The following RGS7 variants were observed in gnomAD, a reference collection of about 807,000 sequenced individuals.
RGS7 encodes regulator of G protein signaling 7, also known as regulator of G-protein signaling 7.
RGS7 carries 27 observed loss-of-function variants against 81.1 expected under a neutral mutation model. The observed-to-expected ratio is 0.33, with a 90% confidence interval of 0.25 to 0.46. The LOEUF is 0.46. Ranked by LOEUF, RGS7 falls within the 20% of genes least tolerant of loss-of-function variation. The probability of loss-of-function intolerance (pLI) is 1.00; values close to 1 mark genes in which losing one functional copy is unlikely to be tolerated. For synonymous variants in RGS7, 208 were observed against 207.7 expected, an observed-to-expected ratio of 1.00 and a Z score of -0.01; for missense variants, 396 against 607.4, an observed-to-expected ratio of 0.65 and a Z score of 3.66.
chr1:241,053,320 C>T (rs1336060842), intron 3 of RGS7, among the ~76,000 whole-genome samples: 7 of 152,170 alleles, frequency 4.6e-5, no homozygotes, highest in Non-Finnish European at 1.5e-5. Flanking sequence ...CCCTTACAGG[C>T]CTTGCACTCT....
chr1:241,087,677 G>T (rs564211726), intron 3 of RGS7, among the ~76,000 whole-genome samples: 26 of 151,992 alleles, frequency 1.7e-4, no homozygotes, highest in Non-Finnish European at 3.4e-4. Context: ...GGCTGGGTGC[G>T]GTGGCTCAGG....
intron 3 of RGS7, among the ~76,000 whole-genome samples, chr1:240,991,342 A>G (rs1436477253): frequency 1.3e-5 from 2 of 152,252 alleles, no homozygotes; most frequent in African/African-American, 4.8e-5. Context: ...AAGGCAGCAA[A>G]GATGACAATA....
intron 2 of RGS7, among the ~76,000 whole-genome samples, chr1:241,274,549 T>C (rs1419289514): frequency 6.6e-6 from 1 of 152,184 alleles, no homozygotes; most frequent in Non-Finnish European, 1.5e-5. Context: ...TGAAGAAAAA[T>C]AATATAATCT....
At chr1:241,013,789 C>T (rs1459677951) in intron 3 of RGS7, among the ~76,000 whole-genome samples, 1 of 152,240 alleles carries the variant, frequency 6.6e-6, no homozygotes, top group Non-Finnish European at 1.5e-5. Context: ...GAGGACATTA[C>T]CTATCTCCAT....
intron 3 of RGS7, among the ~76,000 whole-genome samples, chr1:241,013,565 G>A (rs2059080371): frequency 6.6e-6 from 1 of 152,160 alleles, no homozygotes; most frequent in Non-Finnish European, 1.5e-5. Flanking sequence ...CTCTGCTAGT[G>A]TCGTGGTGTT....
chr1:241,098,148 C>A (rs1000714967), intron 3 of RGS7, among the ~76,000 whole-genome samples: 2 of 152,178 alleles, frequency 1.3e-5, no homozygotes. Flanking sequence ...GAATTAGATT[C>A]TTTGGCTAGC....
intron 2 of RGS7, among the ~76,000 whole-genome samples, chr1:241,180,450 G>T (rs1033627212): frequency 2.0e-5 from 3 of 152,102 alleles, no homozygotes; most frequent in Admixed American, 2.0e-4. Flanking sequence ...GTAACATAAA[G>T]TATGTGTGTG....
At chr1:241,280,758 C>T (rs985707710) in intron 2 of RGS7, among the ~76,000 whole-genome samples, 3 of 152,216 alleles carry the variant, frequency 2.0e-5, no homozygotes, top group Non-Finnish European at 4.4e-5. Flanking sequence ...GCCTCAGCTT[C>T]CCAAAGTGCT....
chr1:241,196,275 CAAAAT>C (rs1329865613), intron 2 of RGS7, among the ~76,000 whole-genome samples: 1 of 151,616 alleles, frequency 6.6e-6, no homozygotes, highest in African/African-American at 2.4e-5. Flanking sequence ...CAAAAATTCA[CAAAAT>C]AAAAGCATTT....
chr1:240,874,519 A>T (rs1665029201), intron 6 of RGS7, among the ~76,000 whole-genome samples: 2 of 152,238 alleles, frequency 1.3e-5, no homozygotes, highest in Non-Finnish European at 2.9e-5. Context: ...TAAAAAATTA[A>T]ATCTGGTATG....
chr1:241,091,594 T>TA (rs554243570), intron 3 of RGS7, among the ~76,000 whole-genome samples: 4 of 135,390 alleles, frequency 3.0e-5, no homozygotes, highest in Non-Finnish European at 6.5e-5. Context: ...AATAAATAAA[T>TA]AAAAAAGCTG....
chr1:240,970,323 TG>T (rs1553370833), intron 4 of RGS7, among the ~76,000 whole-genome samples: 7 of 152,222 alleles, frequency 4.6e-5, no homozygotes, highest in Non-Finnish European at 1.0e-4. Context: ...CTTCAACGTA[TG>T]GCCTTCATGA....
intron 2 of RGS7, among the ~76,000 whole-genome samples, chr1:241,275,805 C>T (rs2078163025): frequency 6.6e-6 from 1 of 152,182 alleles, no homozygotes; most frequent in Non-Finnish European, 1.5e-5. Context: ...CATCTCTAAC[C>T]ATCACTTGCG....
intron 3 of RGS7, among the ~76,000 whole-genome samples, chr1:241,090,928 C>A (rs996280689): frequency 6.6e-6 from 1 of 152,094 alleles, no homozygotes; most frequent in Non-Finnish European, 1.5e-5. Flanking sequence ...TTCTGACATG[C>A]GTGTGCTTGT....
At chr1:241,030,792 C>G (rs2060048723) in intron 3 of RGS7, among the ~76,000 whole-genome samples, 1 of 151,926 alleles carries the variant, frequency 6.6e-6, no homozygotes, top group South Asian at 2.1e-4. Context: ...TTTAAAAATA[C>G]TCCTCTTAAA....
intron 9 of RGS7, among the ~76,000 whole-genome samples, chr1:240,853,695 G>A (rs2147941784): frequency 6.6e-6 from 1 of 152,100 alleles, no homozygotes; most frequent in East Asian, 1.9e-4. Flanking sequence ...CACGAGGGCA[G>A]GAGGAGACCA....
intron 3 of RGS7, among the ~76,000 whole-genome samples, chr1:241,027,048 A>G (rs1232960403): frequency 6.6e-6 from 1 of 151,214 alleles, no homozygotes; most frequent in Admixed American, 6.6e-5. Flanking sequence ...AAAAAAAAAA[A>G]AAAAATTAGC....
At chr1:241,258,965 A>G (rs1237085064) in intron 2 of RGS7, among the ~76,000 whole-genome samples, 2 of 152,148 alleles carry the variant, frequency 1.3e-5, no homozygotes, top group African/African-American at 4.8e-5. Context: ...TAACAATGTC[A>G]ATTACAGCAG....
chr1:241,230,977 G>A (rs2075631351), intron 2 of RGS7, among the ~76,000 whole-genome samples: 1 of 152,154 alleles, frequency 6.6e-6, no homozygotes, highest in African/African-American at 2.4e-5. Context: ...TTTTACCTCT[G>A]ATCATGATAA....
Sources: gnomAD v4.1 joint callset for allele counts (sites outside exome capture counted in the v4.1 genomes callset) on GRCh38, gnomAD v4.1.1 for gene constraint, MANE v1.5 for transcripts, NCBI Gene and HGNC (gene_info 2026-07-23, HGNC 2026-07-21) for gene names.